The following GRID1 variants were observed in gnomAD, a reference collection of about 807,000 sequenced individuals.
The protein encoded by GRID1 is glutamate ionotropic receptor delta type subunit 1.
In GRID1, 28 loss-of-function variants were observed where a neutral mutation model predicts 98.0. The observed-to-expected ratio is 0.29, with a 90% CI of 0.21 to 0.39. The LOEUF (loss-of-function observed/expected upper bound fraction) is 0.39. Among genes scored for constraint, GRID1 ranks in the 10% least tolerant of loss-of-function variants. The probability of loss-of-function intolerance (pLI) is 1.00; values close to 1 mark genes in which losing one functional copy is unlikely to be tolerated. For missense variants in GRID1, 1,111 were observed against 1,340.5 expected, an observed-to-expected ratio of 0.83 and a Z score of 2.67; for synonymous variants, 553 against 538.5, an observed-to-expected ratio of 1.03 and a Z score of -0.37.
At chr10:86,342,954 A>T (rs1462215405) in intron 2 of GRID1, among the ~76,000 whole-genome samples, 1 of 152,362 alleles carries the variant, frequency 6.6e-6, no homozygotes, top group East Asian at 1.9e-4. Context: ...GCCAGTCCAC[A>T]GTAGGCACTC....
Position 85,662,922 on chromosome 10 carries a change from C to T in GRID1, c.1998-15525G>A, listed in dbSNP as rs11201723. The stretch of plus-strand genomic sequence containing the variant: ...CCACTTAGTCCTCCAGCAGCCGCTC[C>T]GATACTTTATGTTCTGTCCTGTGCA... On this transcript the variant is annotated intron_variant, in intron 12 of 15. Coordinates refer to ENST00000327946, the MANE Select transcript of GRID1 (RefSeq NM_017551.3). Among the ~76,000 whole-genome samples the T allele has an allele frequency of 3.9e-5, 6 of 152,202 alleles. No individual in the cohort carries two copies. In the East Asian group the frequency reaches 5.8e-4, roughly 15 times the overall value.
intron 5 of GRID1, among the ~76,000 whole-genome samples, chr10:85,894,999 C>G (rs914119189): frequency 4.6e-5 from 3 of 65,836 alleles, no homozygotes; most frequent in African/African-American, 1.8e-4. Flanking sequence ...AACTGGGACT[C>G]TCAAAAAAAA....
intron 8 of GRID1, among the ~76,000 whole-genome samples, chr10:85,847,156 G>A (rs771129091): frequency 3.9e-5 from 6 of 152,114 alleles, no homozygotes; most frequent in Non-Finnish European, 2.9e-5. Flanking sequence ...TCTAGGAAAG[G>A]GCTCTTCACT....
intron 4 of GRID1, among the ~76,000 whole-genome samples, chr10:85,996,659 C>T (rs1160706871): frequency 2.0e-5 from 3 of 151,738 alleles, no homozygotes; most frequent in Non-Finnish European, 4.4e-5. Flanking sequence ...TGAAACCCTG[C>T]CTCTACTAAA....
chr10:85,684,046 G>A lies in GRID1; in HGVS notation c.1998-36649C>T, dbSNP rs181707846. On this transcript the variant is annotated intron_variant, in intron 12 of 15. Transcript: ENST00000327946. ...GCCATAAAGTGTTATTTCCCTTTAC[G>A]TGGAAACTTCAGAAACCATCCATTT... 2.5e-3 allele frequency among the ~76,000 whole-genome samples: 374 copies of A among 152,244 alleles called. 3 individuals are homozygous for A. Among genetic ancestry groups the A allele is most frequent in the African/African-American group, 8.4e-3 (348 of 41,536 alleles).
At chr10:86,147,205 G>T (rs1182379293) in intron 3 of GRID1, among the ~76,000 whole-genome samples, 10 of 152,164 alleles carry the variant, frequency 6.6e-5, no homozygotes. Flanking sequence ...CCAGACAACA[G>T]TCATGGCAGG....
intron 8 of GRID1, among the ~76,000 whole-genome samples, chr10:85,801,070 A>G (rs1842571435): frequency 6.6e-6 from 1 of 152,106 alleles, no homozygotes; most frequent in Non-Finnish European, 1.5e-5. Flanking sequence ...TATGATTTAA[A>G]AAGTGACATA....
intron 5 of GRID1, among the ~76,000 whole-genome samples, chr10:85,905,072 G>A (rs1319240523): frequency 6.6e-6 from 1 of 151,498 alleles, no homozygotes; most frequent in African/African-American, 2.4e-5. Flanking sequence ...ACCATGCCAA[G>A]GTACATGATA....
chr10:85,883,173 A>G (rs1841059867), intron 5 of GRID1, among the ~76,000 whole-genome samples: 1 of 151,944 alleles, frequency 6.6e-6, no homozygotes, highest in African/African-American at 2.4e-5. Context: ...TTTCCAGTTC[A>G]CTAATTCTTT....
At chr10:86,139,779 C>T (rs113059907) in intron 3 of GRID1, among the ~76,000 whole-genome samples, 156 of 152,242 alleles carry the variant, frequency 1.0e-3, no homozygotes, top group African/African-American at 3.2e-3. Flanking sequence ...AGAGGTCTGT[C>T]GGCACAAACC....
At chr10:86,213,914 C>T (rs528346405) in intron 2 of GRID1, among the ~76,000 whole-genome samples, 2 of 152,294 alleles carry the variant, frequency 1.3e-5, no homozygotes, top group East Asian at 3.9e-4. Context: ...CTCACTGGCC[C>T]TCTGCACCCA....
intron 15 of GRID1, chr10:85,606,185 T>C (rs995149508): frequency 3.9e-5 from 6 of 152,210 alleles, no homozygotes; most frequent in South Asian, 2.1e-4. Flanking sequence ...AAATCAAGTA[T>C]GGATGAAGCA....
chr10:86,133,679 T>G (rs1844872418), intron 4 of GRID1, among the ~76,000 whole-genome samples: 1 of 152,198 alleles, frequency 6.6e-6, no homozygotes, highest in Non-Finnish European at 1.5e-5. Context: ...AATATTAAAT[T>G]CCCATTCATT....
chr10:85,662,923 G>A (rs189479065), intron 12 of GRID1, among the ~76,000 whole-genome samples: 3 of 152,224 alleles, frequency 2.0e-5, no homozygotes, highest in East Asian at 3.9e-4. Flanking sequence ...CAGCCGCTCC[G>A]ATACTTTATG....
chr10:86,340,299 G>A (rs547748057), intron 2 of GRID1, among the ~76,000 whole-genome samples: 2 of 152,314 alleles, frequency 1.3e-5, no homozygotes, highest in South Asian at 2.1e-4. Context: ...AACTCCAGGG[G>A]AAGCAAAATA....
intron 8 of GRID1, among the ~76,000 whole-genome samples, chr10:85,846,023 A>T (rs1002237106): frequency 6.6e-6 from 1 of 152,068 alleles, no homozygotes; most frequent in Admixed American, 6.5e-5. Context: ...ATGTTCTTTG[A>T]TGTGAGTGTT....
At chr10:85,682,154 G>A (rs1301378785) in intron 12 of GRID1, among the ~76,000 whole-genome samples, 2 of 152,192 alleles carry the variant, frequency 1.3e-5, no homozygotes, top group East Asian at 1.9e-4. Flanking sequence ...AAGGCAACAC[G>A]CTGATATGAG....
At chr10:85,812,868 A>G (rs1215031594) in intron 8 of GRID1, among the ~76,000 whole-genome samples, 1 of 151,826 alleles carries the variant, frequency 6.6e-6, no homozygotes, top group East Asian at 1.9e-4. Flanking sequence ...ATATATATAC[A>G]CACACATATG....
At chr10:85,982,919 T>C (rs1421083924) in intron 4 of GRID1, among the ~76,000 whole-genome samples, 2 of 152,196 alleles carry the variant, frequency 1.3e-5, no homozygotes, top group East Asian at 3.8e-4. Flanking sequence ...AAATCAAGAC[T>C]GTAAAAACCT....
Sources: gnomAD v4.1 joint callset for allele counts (sites outside exome capture counted in the v4.1 genomes callset) on GRCh38, gnomAD v4.1.1 for gene constraint, MANE v1.5 for transcripts, NCBI Gene and HGNC (gene_info 2026-07-23, HGNC 2026-07-21) for gene names.